The following ADCK1 variants were observed in gnomAD, a reference collection of about 807,000 sequenced individuals.
ADCK1 encodes the protein aarF domain-containing protein kinase 1.
Under a neutral mutation model 52.3 loss-of-function variants are expected in ADCK1, and 41 were observed. The ratio of observed to expected loss-of-function variants is 0.78; its 90% CI spans 0.61 to 1.02. The LOEUF (loss-of-function observed/expected upper bound fraction) is 1.02, where lower values mean the gene tolerates loss of function less well. Ranked by LOEUF, ADCK1 falls within the 50% of genes least tolerant of loss-of-function variation. ADCK1 has a pLI of 0.00. For missense variants in ADCK1, 658 were observed against 679.5 expected, an observed-to-expected ratio of 0.97 and a Z score of 0.35; for synonymous variants, 250 against 274.6, an observed-to-expected ratio of 0.91 and a Z score of 0.89.
intron 5 of ADCK1, among the ~76,000 whole-genome samples, chr14:77,889,192 A>G (rs564457906): frequency 6.6e-5 from 10 of 152,322 alleles, no homozygotes; most frequent in African/African-American, 2.4e-4. Context: ...TTTCTTTTAT[A>G]AATTGTCCAG....
intron 3 of ADCK1, among the ~76,000 whole-genome samples, chr14:77,853,955 C>G (rs1346300236): frequency 1.3e-5 from 2 of 152,230 alleles, no homozygotes; most frequent in Admixed American, 6.5e-5. Flanking sequence ...ATGCAGTGAA[C>G]TGGGGCATTC....
At chr14:77,884,108 A>C (rs2083093966) in intron 4 of ADCK1, among the ~76,000 whole-genome samples, 5 of 152,218 alleles carry the variant, frequency 3.3e-5, no homozygotes, top group Admixed American at 3.3e-4. Flanking sequence ...CCCTGCAATG[A>C]CACTGGCTTG....
intron 6 of ADCK1, among the ~76,000 whole-genome samples, chr14:77,904,617 T>C (rs1016223922): frequency 1.3e-5 from 2 of 152,086 alleles, no homozygotes; most frequent in Non-Finnish European, 2.9e-5. Context: ...AGGCCCAGGG[T>C]CTTGGGCTAA....
chr14:77,818,025 A>G (rs960068035), intron 1 of ADCK1, among the ~76,000 whole-genome samples: 1 of 151,940 alleles, frequency 6.6e-6, no homozygotes, highest in Non-Finnish European at 1.5e-5. Flanking sequence ...GGCGTGAGCC[A>G]CCACGCTGGG....
At chr14:77,858,904 G>A (rs1443402083) in intron 3 of ADCK1, among the ~76,000 whole-genome samples, 172 bp from the exon 4 acceptor site, 6 of 152,162 alleles carry the variant, frequency 3.9e-5, no homozygotes. Flanking sequence ...CCGTGTACCA[G>A]GAAGCTGGAC....
intron 1 of ADCK1, among the ~76,000 whole-genome samples, chr14:77,801,285 G>A (rs117582173): frequency 2.6e-5 from 4 of 152,214 alleles, no homozygotes; most frequent in East Asian, 1.9e-4. Flanking sequence ...GGGACCATAC[G>A]TTGAGTACCA....
intron 7 of ADCK1, among the ~76,000 whole-genome samples, chr14:77,919,320 A>G (rs1170802750): frequency 6.6e-6 from 1 of 152,230 alleles, no homozygotes; most frequent in Non-Finnish European, 1.5e-5. Flanking sequence ...GCTACCACTT[A>G]TAAGTGGAAA....
chr14:77,815,498 C>T (rs2081428524), intron 1 of ADCK1, among the ~76,000 whole-genome samples: 2 of 151,096 alleles, frequency 1.3e-5, no homozygotes, highest in South Asian at 4.2e-4. Context: ...GCATGAGTCA[C>T]TGCCCCCAGC....
chr14:77,893,735 T>TA (rs1157221148), intron 5 of ADCK1, among the ~76,000 whole-genome samples: 1 of 117,822 alleles, frequency 8.5e-6, no homozygotes, highest in Non-Finnish European at 1.8e-5. Flanking sequence ...CTTCCTTCCT[T>TA]CCTTTTTTTT....
chr14:77,800,796 A>G (rs1020893065), intron 1 of ADCK1, among the ~76,000 whole-genome samples: 34 of 152,266 alleles, frequency 2.2e-4, no homozygotes, highest in African/African-American at 8.0e-4. Flanking sequence ...AGTGGCATTT[A>G]CTTTCTACTA....
At chr14:77,885,674 G>A (rs2083131736) in intron 4 of ADCK1, among the ~76,000 whole-genome samples, 1 of 152,180 alleles carries the variant, frequency 6.6e-6, no homozygotes, top group Admixed American at 6.5e-5. Flanking sequence ...GATAGAGGGA[G>A]GAAGGGCTGT....
At chr14:77,805,284 C>CA in intron 1 of ADCK1, among the ~76,000 whole-genome samples, 1 of 84,336 alleles carries the variant, frequency 1.2e-5, no homozygotes, top group Non-Finnish European at 2.1e-5. Context: ...TTTTTTGAGA[C>CA]AGAGTCTTGC....
chr14:77,844,007 C>A (rs2082125734), intron 3 of ADCK1, among the ~76,000 whole-genome samples: 1 of 152,096 alleles, frequency 6.6e-6, no homozygotes. Context: ...GTTGCTCTGG[C>A]TGGAAAGAGA....
chr14:77,892,008 A>G (rs1350250731), intron 5 of ADCK1, among the ~76,000 whole-genome samples: 1 of 152,188 alleles, frequency 6.6e-6, no homozygotes, highest in Non-Finnish European at 1.5e-5. Flanking sequence ...GGCTACCAGA[A>G]ACTTAGGGAC....
At chr14:77,859,919 C>A (rs754531275) in intron 4 of ADCK1, among the ~76,000 whole-genome samples, 2 of 152,228 alleles carry the variant, frequency 1.3e-5, no homozygotes, top group African/African-American at 2.4e-5. Flanking sequence ...CATTGTGCTA[C>A]CTGTCTCAAA....
At chr14:77,816,090 A>G (rs1234479826) in intron 1 of ADCK1, among the ~76,000 whole-genome samples, 1 of 152,096 alleles carries the variant, frequency 6.6e-6, no homozygotes, top group East Asian at 1.9e-4. Flanking sequence ...TACAGGCGTG[A>G]GCTACCTCTC....
intron 4 of ADCK1, among the ~76,000 whole-genome samples, chr14:77,865,459 G>C (rs901223718): frequency 6.6e-6 from 1 of 152,120 alleles, no homozygotes; most frequent in Non-Finnish European, 1.5e-5. Context: ...CTCCAGCCTG[G>C]GTGACAGAGT....
intron 1 of ADCK1, among the ~76,000 whole-genome samples, chr14:77,813,678 G>T (rs2081380954): frequency 6.6e-6 from 1 of 152,138 alleles, no homozygotes; most frequent in African/African-American, 2.4e-5. Flanking sequence ...ACAGTCCTCT[G>T]GTGTTGGGGA....
intron 1 of ADCK1, among the ~76,000 whole-genome samples, chr14:77,812,408 T>C (rs2081354558): frequency 6.6e-6 from 1 of 152,168 alleles, no homozygotes; most frequent in African/African-American, 2.4e-5. Context: ...TCTGGCTTAT[T>C]TCACTTAGCA....
Sources: gnomAD v4.1 joint callset for allele counts (sites outside exome capture counted in the v4.1 genomes callset) on GRCh38, gnomAD v4.1.1 for gene constraint, MANE v1.5 for transcripts, NCBI Gene and HGNC (gene_info 2026-07-23, HGNC 2026-07-21) for gene names.